The following CAMTA1 variants were observed in gnomAD, a reference collection of about 807,000 sequenced individuals.
CAMTA1 encodes the protein calmodulin-binding transcription activator 1.
In CAMTA1, 27 loss-of-function variants were observed where a neutral mutation model predicts 170.9. That is an observed-to-expected ratio of 0.16 (90% confidence interval 0.12 to 0.22). The LOEUF is 0.22. CAMTA1 is among the 10% of genes least tolerant of loss of function. CAMTA1 has a pLI of 1.00. For missense variants in CAMTA1, 1,619 were observed against 2,217.2 expected (o/e 0.73, Z 5.42); for synonymous variants, 833 against 891.5 (o/e 0.93, Z 1.17).
At chr1:7,356,365 CT>C (rs2085113181) in intron 5 of CAMTA1, among the ~76,000 whole-genome samples, 1 of 152,252 alleles carries the variant, frequency 6.6e-6, no homozygotes, top group Non-Finnish European at 1.5e-5. Flanking sequence ...GCTGCAGGAT[CT>C]TCCTGCCTGG....
At chr1:7,119,802 G>T (rs988796743) in intron 4 of CAMTA1, among the ~76,000 whole-genome samples, 5 of 152,170 alleles carry the variant, frequency 3.3e-5, no homozygotes, top group Non-Finnish European at 7.3e-5. Flanking sequence ...GGTTTCATAA[G>T]AGAATTAAGC....
chr1:6,869,710 C>T (rs534078258), intron 3 of CAMTA1, among the ~76,000 whole-genome samples: 1 of 152,292 alleles, frequency 6.6e-6, no homozygotes, highest in African/African-American at 2.4e-5. Context: ...GTTATTGGCA[C>T]CATTTCATTT....
intron 11 of CAMTA1, among the ~76,000 whole-genome samples, chr1:7,690,726 T>G (rs563311676): frequency 1.3e-5 from 2 of 152,364 alleles, no homozygotes; most frequent in African/African-American, 2.4e-5. Context: ...ACTGAGACTT[T>G]CCGGCAACCC....
Position 7,398,582 on chromosome 1 carries a change from G to A in CAMTA1, c.439-69248G>A, listed in dbSNP as rs537908336. Among the ~76,000 whole-genome samples the A allele has an allele frequency of 8.6e-5, 13 of 152,042 alleles. No individual in the cohort carries two copies. The East Asian group carries it at 2.5e-3, about 29-fold the overall frequency. On this transcript the variant is annotated intron_variant, in intron 5 of 22. Coordinates refer to ENST00000303635, the MANE Select transcript of CAMTA1 (RefSeq NM_015215.4). ...CAGCCACTCTGTATCTTTTACCTGG[G>A]AAACTTAATCCATTTACATTGAATT...
In CAMTA1 at chr1:7,259,351, C is replaced by T. The variant is rs1167055113; in HGVS notation, c.438+9725C>T. 2.0e-5 allele frequency among the ~76,000 whole-genome samples: 3 copies of T among 152,128 alleles called. No homozygotes were observed. In the South Asian group the frequency reaches 6.2e-4, roughly 32 times the overall value. On this transcript the variant is annotated intron_variant, in intron 5 of 22. Transcript: ENST00000303635. ...CCTGAGACCGGCGCAAATACTGAAG[C>T]GGTCAGTATTGCTTCTTGCTACCCT...
chr1:7,294,058 G>A lies in CAMTA1; in HGVS notation c.438+44432G>A, dbSNP rs148339289. Among the ~76,000 whole-genome samples the A allele has an allele frequency of 2.3e-3, 347 of 152,338 alleles. 1 individual carries two copies. Among genetic ancestry groups the A allele is most frequent in the African/African-American group, 8.0e-3 (332 of 41,574 alleles). On this transcript the variant is annotated intron_variant, in intron 5 of 22. Transcript: ENST00000303635. Reference sequence around the variant, plus strand: ...CTTTCCTCATTTCTATGCAGAGGGCGTTAGTTGATCCTGGTGCCCTCAAGA... The same window carrying A: ...CTTTCCTCATTTCTATGCAGAGGGCATTAGTTGATCCTGGTGCCCTCAAGA...
intron 5 of CAMTA1, among the ~76,000 whole-genome samples, chr1:7,348,320 C>T (rs1162953530): frequency 6.6e-6 from 1 of 152,208 alleles, no homozygotes; most frequent in African/African-American, 2.4e-5. Context: ...ATTCCCATGC[C>T]CATGCTGTTT....
intron 5 of CAMTA1, among the ~76,000 whole-genome samples, chr1:7,303,929 G>A (rs542083358): frequency 6.6e-6 from 1 of 152,290 alleles, no homozygotes; most frequent in South Asian, 2.1e-4. Context: ...AGTCCTAAAA[G>A]CTTTGTACTA....
intron 4 of CAMTA1, among the ~76,000 whole-genome samples, chr1:7,166,842 A>T: frequency 1.4e-5 from 2 of 146,074 alleles, no homozygotes; most frequent in African/African-American, 2.5e-5. Flanking sequence ...ATGGAGTCTC[A>T]CTCTGTTGCC....
intron 4 of CAMTA1, among the ~76,000 whole-genome samples, chr1:7,226,825 C>A (rs1323593284): frequency 6.6e-6 from 1 of 152,046 alleles, no homozygotes; most frequent in African/African-American, 2.4e-5. Flanking sequence ...TTAACTGAAG[C>A]CTTTTTTATT....
intron 5 of CAMTA1, among the ~76,000 whole-genome samples, chr1:7,405,546 T>G (rs1575143649): frequency 1.0e-4 from 1 of 10,038 alleles, no homozygotes; most frequent in South Asian, 7.8e-4. Context: ...AATTTTTGTA[T>G]TTTTTTTTAG....
At chr1:7,400,457 T>G (rs2089804535) in intron 5 of CAMTA1, among the ~76,000 whole-genome samples, 1 of 152,172 alleles carries the variant, frequency 6.6e-6, no homozygotes, top group African/African-American at 2.4e-5. Context: ...ATATTGAGCT[T>G]TTTCCAGGCA....
At chr1:7,760,394 C>T (rs961984719) in intron 22 of CAMTA1, among the ~76,000 whole-genome samples, 3 of 152,146 alleles carry the variant, frequency 2.0e-5, no homozygotes, top group African/African-American at 4.8e-5. Flanking sequence ...AGGGACAGTT[C>T]TCTAACAATG....
chr1:6,906,070 C>CA (rs139267726), intron 3 of CAMTA1, among the ~76,000 whole-genome samples: 1,847 of 152,330 alleles, frequency 0.012, 20 homozygotes, highest in South Asian at 0.033. Context: ...CGTGAGCCCT[C>CA]CAAGTCACCC....
At position 7,306,938 on chromosome 1, in the gene CAMTA1, C is replaced by G. The variant is rs193072674; in HGVS notation, c.438+57312C>G. 1.6e-3 allele frequency among the ~76,000 whole-genome samples: 249 copies of G among 151,982 alleles called. 2 individuals are homozygous for G. Among genetic ancestry groups the G allele is most frequent in the Admixed American group, 0.015 (234 of 15,294 alleles). ...TTAGGTATTAGGTATTATAAGCAATCTAGAGATGATTTAAAGTATATGGGA... is the reference window on the plus strand; with the variant it reads ...TTAGGTATTAGGTATTATAAGCAATGTAGAGATGATTTAAAGTATATGGGA... On this transcript the variant is annotated intron_variant, in intron 5 of 22. Transcript: ENST00000303635.
intron 6 of CAMTA1, among the ~76,000 whole-genome samples, chr1:7,549,123 T>G: frequency 7.7e-6 from 1 of 129,096 alleles, no homozygotes; most frequent in African/African-American, 2.9e-5. Flanking sequence ...CTCTTAGAGG[T>G]GGAGATGCCC....
intron 5 of CAMTA1, among the ~76,000 whole-genome samples, chr1:7,372,311 T>G (rs2086533962): frequency 1.3e-5 from 2 of 152,218 alleles, no homozygotes; most frequent in South Asian, 2.1e-4. Flanking sequence ...TTGATGCCAA[T>G]AAGCACAAAT....
At chr1:7,054,555 A>G (rs1331633384) in intron 3 of CAMTA1, among the ~76,000 whole-genome samples, 1 of 152,238 alleles carries the variant, frequency 6.6e-6, no homozygotes, top group Admixed American at 6.5e-5. Flanking sequence ...GAACAACTGG[A>G]CAAGCCCTGG....
intron 5 of CAMTA1, among the ~76,000 whole-genome samples, chr1:7,343,701 A>G (rs1179210184): frequency 2.6e-5 from 4 of 152,084 alleles, no homozygotes; most frequent in African/African-American, 4.8e-5. Context: ...TCTCCCTCCT[A>G]TTATTTCAGT....
Sources: gnomAD v4.1 joint callset for allele counts (sites outside exome capture counted in the v4.1 genomes callset) on GRCh38, gnomAD v4.1.1 for gene constraint, MANE v1.5 for transcripts, NCBI Gene and HGNC (gene_info 2026-07-23, HGNC 2026-07-21) for gene names.